Variants in CCNJL observed in about 807,000 individuals in gnomAD.
The protein encoded by CCNJL is cyclin J like.
A neutral mutation model predicts 33.4 loss-of-function variants in CCNJL; 33 were observed. The ratio of observed to expected loss-of-function variants is 0.99; its 90% CI spans 0.75 to 1.32. The LOEUF is 1.32. Among genes scored for constraint, CCNJL ranks in the 40% most tolerant of loss-of-function variants. CCNJL has a pLI of 0.00. For missense variants in CCNJL, 512 were observed against 499.7 expected (o/e 1.02, Z -0.23); for synonymous variants, 227 against 220.9 (o/e 1.03, Z -0.24).
intron 3 of CCNJL, among the ~76,000 whole-genome samples, chr5:160,268,847 C>T (rs557638093): frequency 2.6e-5 from 4 of 152,304 alleles, no homozygotes; most frequent in African/African-American, 9.6e-5. Context: ...ATCTGGGTAC[C>T]CTGCCTGGCT....
chr5:160,276,721 T>C (rs1157061475), intron 3 of CCNJL, among the ~76,000 whole-genome samples: 1 of 152,208 alleles, frequency 6.6e-6, no homozygotes, highest in Non-Finnish European at 1.5e-5. Context: ...TAAACACCAC[T>C]CAACCGTACA....
intron 3 of CCNJL, among the ~76,000 whole-genome samples, chr5:160,274,293 T>C (rs1206539171): frequency 6.6e-6 from 1 of 151,930 alleles, no homozygotes; most frequent in East Asian, 1.9e-4. Context: ...ACCCCGTTTC[T>C]ACTAAAAATA....
intron 2 of CCNJL, among the ~76,000 whole-genome samples, chr5:160,303,782 G>A (rs550865975): frequency 1.2e-4 from 18 of 148,626 alleles, no homozygotes; most frequent in Non-Finnish European, 2.1e-4. Context: ...CAGCAGAGTC[G>A]CAGTGTCACC....
At chr5:160,274,404 A>G (rs1761939383) in intron 3 of CCNJL, among the ~76,000 whole-genome samples, 1 of 152,042 alleles carries the variant, frequency 6.6e-6, no homozygotes, top group African/African-American at 2.4e-5. Flanking sequence ...GGTTGCAATG[A>G]GCCAAGATCA....
At chr5:160,278,573 G>C (rs1048104064) in intron 3 of CCNJL, among the ~76,000 whole-genome samples, 3 of 152,174 alleles carry the variant, frequency 2.0e-5, no homozygotes, top group Non-Finnish European at 4.4e-5. Flanking sequence ...GCCCGAGGCT[G>C]TGCTGCCCTC....
Position 160,337,643 on chromosome 5 carries a change from G to T in CCNJL, n.206+1802C>A, listed in dbSNP as rs145585598. On this transcript the variant is annotated intron_variant and non_coding_transcript_variant, in intron 1 of 7. Coordinates refer to the CCNJL transcript ENST00000377503. ...CATTGAGAATGTCGGGGGTTGGGAA[G>T]GAGCTGGTAGAGCTCCTTCCAACAA... Among the ~76,000 whole-genome samples the T allele has an allele frequency of 7.3e-3, 1,105 of 152,216 alleles. 30 individuals carry two copies. Among genetic ancestry groups the T allele is most frequent in the East Asian group, 0.039 (203 of 5,158 alleles).
intron 1 of CCNJL, among the ~76,000 whole-genome samples, chr5:160,319,834 A>G (rs1763418677): frequency 6.6e-6 from 1 of 152,070 alleles, no homozygotes; most frequent in Admixed American, 6.6e-5. Context: ...GCTACTTGGG[A>G]GGTTGAGGTG....
At chr5:160,328,548 G>A (rs771531544) in intron 1 of CCNJL, among the ~76,000 whole-genome samples, 48 of 151,650 alleles carry the variant, frequency 3.2e-4, no homozygotes, top group Non-Finnish European at 6.5e-4. Context: ...TTTGAGCTCA[G>A]GAGTTCAAGA....
intron 3 of CCNJL, among the ~76,000 whole-genome samples, chr5:160,262,869 C>T (rs1459532469): frequency 6.6e-6 from 1 of 152,214 alleles, no homozygotes; most frequent in Non-Finnish European, 1.5e-5. Context: ...TTGTCCCCAG[C>T]GCTGCCACCA....
Position 160,311,866 on chromosome 5 carries a change from G to A in CCNJL, c.58C>T (p.Arg20Cys). The A allele has an allele frequency of 6.2e-7, 1 of 1,613,880 alleles. No individual in the cohort carries two copies. Among genetic ancestry groups the A allele is most frequent in the Non-Finnish European group, 8.5e-7 (1 of 1,179,752 alleles). Residue 20 changes from arginine (R) to cysteine (C), a missense_variant, in exon 2 of 6, where the codon CGC becomes TGC. Transcript: ENST00000257536. Reference protein sequence around the residue: ...RVASDVHCTLREKELKLPTFR... With the variant: ...RVASDVHCTLCEKELKLPTFR... Reference sequence around the variant, plus strand: ...GGCAGGGAGGGACTGACCTTCTCGCGCAGGGTGCAGTGGACGTCCGAGGCG... The same window carrying A: ...GGCAGGGAGGGACTGACCTTCTCGCACAGGGTGCAGTGGACGTCCGAGGCG...
chr5:160,326,346 G>A (rs775938284), intron 1 of CCNJL, among the ~76,000 whole-genome samples: 8 of 151,896 alleles, frequency 5.3e-5, no homozygotes, highest in Non-Finnish European at 1.2e-4. Flanking sequence ...ATGGTGGCAC[G>A]CATCTGTAAC....
intron 3 of CCNJL, among the ~76,000 whole-genome samples, chr5:160,266,850 A>C (rs746886745): frequency 6.6e-6 from 1 of 152,196 alleles, no homozygotes; most frequent in African/African-American, 2.4e-5. Flanking sequence ...GCTGGAATGC[A>C]TGGAGTGGAC....
chr5:160,328,559 C>A (rs2113479589), intron 1 of CCNJL, among the ~76,000 whole-genome samples: 1 of 151,386 alleles, frequency 6.6e-6, no homozygotes, highest in South Asian at 2.1e-4. Flanking sequence ...GAGTTCAAGA[C>A]CAGCCTGGGC....
At chr5:160,306,468 AG>A (rs1763101570) in intron 2 of CCNJL, among the ~76,000 whole-genome samples, 1 of 152,146 alleles carries the variant, frequency 6.6e-6, no homozygotes. Flanking sequence ...CCAGTGGACG[AG>A]AAGGAGGGAG....
intron 2 of CCNJL, among the ~76,000 whole-genome samples, chr5:160,311,504 C>T (rs1763258593): frequency 6.6e-6 from 1 of 152,182 alleles, no homozygotes. Flanking sequence ...TTAAATTACA[C>T]ATTAGAATGA....
At chr5:160,270,789 T>C (rs1761805997) in intron 3 of CCNJL, among the ~76,000 whole-genome samples, 2 of 152,204 alleles carry the variant, frequency 1.3e-5, no homozygotes, top group Non-Finnish European at 1.5e-5. Flanking sequence ...AAAAACACTT[T>C]AAACTCCTCA....
At chr5:160,259,415 C>A in intron 4 of CCNJL, 54 bp downstream of exon 4, 1 of 1,546,258 alleles carries the variant, frequency 6.5e-7, no homozygotes, top group Non-Finnish European at 8.8e-7. Context: ...TGACCCCGAC[C>A]CCTGGGTGGT....
At chr5:160,290,274 A>G (rs1466580056) in intron 2 of CCNJL, among the ~76,000 whole-genome samples, 1 of 147,588 alleles carries the variant, frequency 6.8e-6, no homozygotes, top group South Asian at 2.2e-4. Flanking sequence ...TATTTATTTA[A>G]TTTTTTTTTT....
intron 2 of CCNJL, among the ~76,000 whole-genome samples, chr5:160,301,394 G>A (rs1762916269): frequency 1.3e-5 from 2 of 151,864 alleles, no homozygotes; most frequent in South Asian, 4.2e-4. Context: ...GGGCAGGATG[G>A]GACTGATGAG....
Sources: allele counts gnomAD v4.1 joint callset (sites outside exome capture counted in the v4.1 genomes callset), GRCh38; gene constraint gnomAD v4.1.1; transcripts MANE v1.5; gene names NCBI Gene and HGNC (gene_info 2026-07-23, HGNC 2026-07-21).